The following CUX1 variants were observed in gnomAD, a reference collection of about 807,000 sequenced individuals.
CUX1 encodes the protein cut like homeobox 1, also known as protein CASP.
A neutral mutation model predicts 158.8 loss-of-function variants in CUX1; 31 were observed. That is an observed-to-expected ratio of 0.20 (90% CI 0.15 to 0.26). CUX1 has a LOEUF of 0.26. CUX1 is among the 10% of genes least tolerant of loss of function. The probability of loss-of-function intolerance (pLI) is 1.00; values close to 1 mark genes in which losing one functional copy is unlikely to be tolerated. For synonymous variants in CUX1, 879 were observed against 862.1 expected, an observed-to-expected ratio of 1.02 and a Z score of -0.34; for missense variants, 1,589 against 2,014.6, an observed-to-expected ratio of 0.79 and a Z score of 4.04.
chr7:101,817,754 T>G lies in CUX1; in HGVS notation c.30+85T>G, dbSNP rs544562536. The G allele has an allele frequency of 6.7e-7, 1 of 1,500,910 alleles. No individual in the cohort carries two copies. The highest frequency in any genetic ancestry group is 9.0e-7 in the Non-Finnish European group (1 of 1,114,220). The allele number at this position is 1,500,910 out of a possible 1,614,324, so 93.0% of individuals were successfully genotyped here. ...CGGGGGGTGCCCGGGTCCCGCGGCT[T>G]AGAATGCTCTAGGGCGGCCTGGTGC... On this transcript the variant is annotated intron_variant, in intron 1 of 23. Transcript: ENST00000292535. The surrounding 1 kb of genome is among the most constrained non-coding windows in gnomAD (Gnocchi z 4.1).
intron 8 of CUX1, among the ~76,000 whole-genome samples, chr7:102,138,158 T>G (rs553937102): frequency 2.0e-5 from 3 of 152,344 alleles, no homozygotes; most frequent in Admixed American, 2.0e-4. Flanking sequence ...CACCCCAGCC[T>G]GGGCAACAAA....
chr7:101,913,376 G>A (rs769110918), intron 1 of CUX1: 3 of 1,268,262 alleles, frequency 2.4e-6, no homozygotes, highest in Non-Finnish European at 2.1e-6. Context: ...GACCCCCGTT[G>A]AGTCCCCGAC....
At chr7:102,213,403 C>T (rs1796739507) in intron 20 of CUX1, among the ~76,000 whole-genome samples, 1 of 152,162 alleles carries the variant, frequency 6.6e-6, no homozygotes, top group African/African-American at 2.4e-5. Flanking sequence ...TTGCTTAGGC[C>T]ATTTGGGGCC....
chr7:101,924,272 G>A (rs1805319420), intron 2 of CUX1, among the ~76,000 whole-genome samples: 1 of 152,132 alleles, frequency 6.6e-6, no homozygotes, highest in Admixed American at 6.5e-5. Context: ...GTAATATATA[G>A]TTGTGGCCTG....
At chr7:102,162,697 T>TAG (rs1790580620) in intron 9 of CUX1, among the ~76,000 whole-genome samples, 1 of 152,126 alleles carries the variant, frequency 6.6e-6, no homozygotes, top group Admixed American at 6.6e-5. Flanking sequence ...GTGTTTTTAG[T>TAG]AGAGACGGGG....
intron 14 of CUX1, among the ~76,000 whole-genome samples, chr7:102,272,972 C>G (rs1586516959): frequency 6.6e-6 from 1 of 152,308 alleles, no homozygotes; most frequent in South Asian, 2.1e-4. Context: ...TAGGAAGCAA[C>G]CTGAGCCTCC....
chr7:102,213,032 C>T (rs1240935596), intron 20 of CUX1, among the ~76,000 whole-genome samples: 3 of 152,058 alleles, frequency 2.0e-5, no homozygotes, highest in Non-Finnish European at 2.9e-5. Flanking sequence ...TTAGTAGAGA[C>T]GGGGTTTCAC....
intron 3 of CUX1, among the ~76,000 whole-genome samples, chr7:102,041,327 T>C (rs897353062): frequency 2.3e-5 from 3 of 132,494 alleles, no homozygotes; most frequent in Non-Finnish European, 3.1e-5. Flanking sequence ...GTGCAGTGGC[T>C]CACCATAATC....
intron 2 of CUX1, among the ~76,000 whole-genome samples, chr7:101,964,118 G>A (rs1487300475): frequency 2.0e-5 from 3 of 152,076 alleles, no homozygotes; most frequent in Non-Finnish European, 2.9e-5. Context: ...TTGGGAGGCC[G>A]AGGCAGGTGG....
intron 2 of CUX1, among the ~76,000 whole-genome samples, chr7:101,969,359 C>CAAAAAAAAAAAAAAA (rs10711703): frequency 1.1e-4 from 6 of 56,108 alleles, no homozygotes; most frequent in East Asian, 7.0e-4. Context: ...CAAAAAACAG[C>CAAAAAAAAAAAAAAA]AAAAAAAAAA....
At chr7:102,028,552 G>A (rs906715540) in intron 3 of CUX1, among the ~76,000 whole-genome samples, 9 of 152,206 alleles carry the variant, frequency 5.9e-5, no homozygotes, top group Non-Finnish European at 1.0e-4. Context: ...AGAGGCTGGC[G>A]GGGGCACAGG....
intron 7 of CUX1, among the ~76,000 whole-genome samples, chr7:102,113,503 G>T (rs564053226): frequency 6.6e-6 from 1 of 152,126 alleles, no homozygotes; most frequent in South Asian, 2.1e-4. Context: ...TGATCCACCT[G>T]CCTCAGCCTC....
intron 15 of CUX1, among the ~76,000 whole-genome samples, 172 bp from the exon 16 acceptor site, chr7:102,198,630 G>C (rs146064259): frequency 1.3e-5 from 2 of 152,278 alleles, no homozygotes; most frequent in South Asian, 4.1e-4. Context: ...TCTGCGGGCC[G>C]GTCAGCCAGG....
chr7:102,049,250 T>G (rs973779144), intron 3 of CUX1, among the ~76,000 whole-genome samples: 2 of 152,230 alleles, frequency 1.3e-5, no homozygotes, highest in African/African-American at 4.8e-5. Flanking sequence ...TTTGGGCAGA[T>G]GAAGGAGGCT....
In CUX1 at chr7:102,283,203, G is replaced by A. The variant is rs151048012; in HGVS notation, c.*113G>A. Reference sequence around the variant, plus strand: ...TCCCCCATGGAAACTGCCCTTATCCGCTGTCCAGCAGCTGCCAGAGGCCCC... The same window carrying A: ...TCCCCCATGGAAACTGCCCTTATCCACTGTCCAGCAGCTGCCAGAGGCCCC... On this transcript the variant is annotated 3_prime_UTR_variant, in exon 23 of 23. Coordinates refer to the CUX1 transcript ENST00000292538. 834 of 879,338 alleles carry A rather than the reference G, an allele frequency of 9.5e-4. 2 individuals carry two copies. In the African/African-American group the frequency reaches 0.012, roughly 12 times the overall value. The allele number at this position is 879,338 out of a possible 1,614,324, so 54.5% of individuals were successfully genotyped here. A position where few individuals can be genotyped will look rare whatever the true frequency, so the allele number is the denominator to read the frequency against.
intron 2 of CUX1, among the ~76,000 whole-genome samples, chr7:101,999,245 T>C (rs1437285580): frequency 1.0e-5 from 1 of 98,888 alleles, no homozygotes; most frequent in Non-Finnish European, 2.1e-5. Flanking sequence ...TTTTTTAAGA[T>C]GGGGTCTTGC....
chr7:102,144,916 C>G (rs1028446989), intron 8 of CUX1, among the ~76,000 whole-genome samples: 6 of 151,416 alleles, frequency 4.0e-5, no homozygotes, highest in African/African-American at 1.5e-4. Context: ...GGCAAAACCT[C>G]GTCTCTACTA....
intron 3 of CUX1, among the ~76,000 whole-genome samples, chr7:102,051,133 C>G (rs1304444710): frequency 6.6e-6 from 1 of 152,172 alleles, no homozygotes; most frequent in Non-Finnish European, 1.5e-5. Context: ...TCCCCAGTCA[C>G]CTCCTCTGCT....
intron 3 of CUX1, among the ~76,000 whole-genome samples, chr7:102,064,419 T>C (rs2410969): frequency 1.3e-5 from 2 of 152,200 alleles, no homozygotes; most frequent in Admixed American, 6.5e-5. Context: ...GCTGGAATTC[T>C]AGCCTAGGAT....
Sources: allele counts gnomAD v4.1 joint callset (sites outside exome capture counted in the v4.1 genomes callset), GRCh38; gene constraint gnomAD v4.1.1; non-coding constraint Gnocchi (gnomAD v3.1); transcripts MANE v1.5; gene names NCBI Gene and HGNC (gene_info 2026-07-23, HGNC 2026-07-21).